The following ORC2 variants were observed in gnomAD, a reference collection of about 807,000 sequenced individuals.
ORC2 encodes the protein origin recognition complex protein 2 homolog.
Under a neutral mutation model 77.7 loss-of-function variants are expected in ORC2, and 37 were observed. That is an observed-to-expected ratio of 0.48 (90% CI 0.37 to 0.63). ORC2 has a LOEUF of 0.63. Ranked by LOEUF, ORC2 falls within the 20% of genes least tolerant of loss-of-function variation. The pLI, the probability that ORC2 is intolerant of heterozygous loss-of-function variation, is 0.00. For synonymous variants in ORC2, 201 were observed against 229.5 expected (o/e 0.88, Z 1.12); for missense variants, 557 against 661.9 (o/e 0.84, Z 1.74).
At chr2:200,940,371 T>A (rs1243579695) in intron 7 of ORC2, among the ~76,000 whole-genome samples, 1 of 152,150 alleles carries the variant, frequency 6.6e-6, no homozygotes, top group African/African-American at 2.4e-5. Flanking sequence ...AAAATACCCT[T>A]TACAGACAAA....
intron 15 of ORC2, among the ~76,000 whole-genome samples, chr2:200,919,179 A>T (rs1261946767): frequency 6.6e-6 from 1 of 152,154 alleles, no homozygotes; most frequent in African/African-American, 2.4e-5. Context: ...TATAATATTT[A>T]ATCTACCCAC....
At chr2:200,955,138 T>C (rs1355618916) in intron 4 of ORC2, among the ~76,000 whole-genome samples, 1 of 152,206 alleles carries the variant, frequency 6.6e-6, no homozygotes, top group Non-Finnish European at 1.5e-5. Flanking sequence ...AGCACTGAAT[T>C]TCTACAACAA....
intron 1 of ORC2, among the ~76,000 whole-genome samples, chr2:200,961,832 T>C (rs2041580420): frequency 6.6e-6 from 1 of 152,178 alleles, no homozygotes; most frequent in South Asian, 2.1e-4. Context: ...GGCTCTGAGC[T>C]TCCTGGCAAT....
chr2:200,929,377 G>A (rs2040899319), intron 11 of ORC2, among the ~76,000 whole-genome samples: 1 of 152,342 alleles, frequency 6.6e-6, no homozygotes, highest in East Asian at 1.9e-4. Context: ...GAACAAAACT[G>A]TGGAAGATTA....
intron 11 of ORC2, among the ~76,000 whole-genome samples, chr2:200,929,163 C>T (rs1039300983): frequency 1.3e-5 from 2 of 152,136 alleles, no homozygotes; most frequent in Non-Finnish European, 2.9e-5. Context: ...GTTGGTCAGG[C>T]TGGTCTGGAA....
intron 5 of ORC2, among the ~76,000 whole-genome samples, chr2:200,944,462 C>G (rs537371750): frequency 6.6e-6 from 1 of 152,118 alleles, no homozygotes; most frequent in African/African-American, 2.4e-5. Flanking sequence ...TGTGAGCCAC[C>G]GCGCCCGGCT....
chr2:200,913,639 T>TA, intron 16 of ORC2: 1 of 1,314,986 alleles, frequency 7.6e-7, no homozygotes, highest in Admixed American at 3.7e-5. Flanking sequence ...GAAAATCTCC[T>TA]AAGATGCCTA....
chr2:200,921,123 G>A lies in ORC2; in HGVS notation c.1164C>T (p.Leu388=). 6.3e-7 allele frequency: 1 copy of A among 1,586,122 alleles called. No individual in the cohort carries two copies. The highest frequency in any genetic ancestry group is 8.6e-7 in the Non-Finnish European group (1 of 1,166,462). ...TATCCAAATTGTGGATGAGAAGGAAGAGTTCTAAAGAAGAATCTAAAAAGA... is the reference window on the plus strand; with the variant it reads ...TATCCAAATTGTGGATGAGAAGGAAAAGTTCTAAAGAAGAATCTAAAAAGA... ...NKFKEDSSLE[L]FLLIHNLDSQ... is the part of the protein sequence containing the mutation. The change falls in exon 14 of 18, where the codon CTC becomes CTT. Residue 388 remains leucine (L), a synonymous_variant. Transcript: ENST00000234296.
At position 200,949,562 on chromosome 2, in the gene ORC2, G is replaced by A; in HGVS notation, c.320C>T (p.Ala107Val). ...TCAGAAAAGCAACATACCTAATTTA[G>A]CCATCTTTTCAGAGTGTTTTCTATT... is the stretch of plus-strand genomic sequence containing the variant. ...FQNRKHSEKMAKLASELAKTP... is the reference protein window; with the variant it reads ...FQNRKHSEKMVKLASELAKTP... The change falls in exon 5 of 18, where the codon GCT becomes GTT. Residue 107 changes from alanine to valine, a missense_variant. Physicochemically the swap from Ala to Val is moderately conservative, Grantham distance 64. Transcript: ENST00000234296. The A allele has an allele frequency of 1.3e-6, 2 of 1,548,884 alleles. No homozygotes were observed. The highest frequency in any genetic ancestry group is 1.8e-6 in the Non-Finnish European group (2 of 1,123,978).
chr2:200,927,219 G>A (rs775854982), intron 11 of ORC2, among the ~76,000 whole-genome samples: 6 of 151,876 alleles, frequency 4.0e-5, no homozygotes, highest in South Asian at 4.2e-4. Flanking sequence ...AAGAAGCTGG[G>A]GCTACAGCTG....
intron 5 of ORC2, chr2:200,942,996 G>C (rs577343787): frequency 3.0e-4 from 101 of 338,280 alleles, no homozygotes; most frequent in Non-Finnish European, 3.6e-4. Flanking sequence ...TTCTTTAAAA[G>C]AAAATACAAA....
At chr2:200,922,392 A>G (rs2040775949) in intron 13 of ORC2, among the ~76,000 whole-genome samples, 1 of 151,224 alleles carries the variant, frequency 6.6e-6, no homozygotes, top group African/African-American at 2.4e-5. Flanking sequence ...AAAAAAAAAA[A>G]AAATTGAAGG....
chr2:200,912,713 C>T (rs1303995597), intron 17 of ORC2, among the ~76,000 whole-genome samples: 1 of 152,190 alleles, frequency 6.6e-6, no homozygotes, highest in African/African-American at 2.4e-5. Context: ...AGCCACCACG[C>T]CTGGCCTCCT....
intron 13 of ORC2, among the ~76,000 whole-genome samples, chr2:200,925,411 T>C (rs1026796650): frequency 5.9e-5 from 9 of 152,136 alleles, no homozygotes; most frequent in African/African-American, 2.2e-4. Flanking sequence ...AAGGACAAAC[T>C]TTTTTAGAGC....
At chr2:200,956,863 G>T (rs1307419012) in intron 4 of ORC2, among the ~76,000 whole-genome samples, 1 of 152,148 alleles carries the variant, frequency 6.6e-6, no homozygotes, top group Non-Finnish European at 1.5e-5. Context: ...TCCTTTGCAG[G>T]GACATGTATG....
chr2:200,958,125 G>A lies in ORC2; in HGVS notation c.-2C>T. On this transcript the variant is annotated 5_prime_UTR_variant, in exon 3 of 18. Coordinates refer to ENST00000234296, the MANE Select transcript of ORC2 (RefSeq NM_006190.5). ...TTCCTTTAATTCTGGTTTACTCATTGTTGCCAACCTAAACAAAAACAGTAA... is the reference window on the plus strand; with the variant it reads ...TTCCTTTAATTCTGGTTTACTCATTATTGCCAACCTAAACAAAAACAGTAA... 4 of 1,603,940 alleles carry A rather than the reference G, an allele frequency of 2.5e-6. No individual in the cohort carries two copies. The highest frequency in any genetic ancestry group is 2.2e-5 in the East Asian group (1 of 44,642).
At chr2:200,945,058 CAG>C (rs1284411363) in intron 5 of ORC2, among the ~76,000 whole-genome samples, 1 of 152,212 alleles carries the variant, frequency 6.6e-6, no homozygotes, top group Non-Finnish European at 1.5e-5. Context: ...GTAGTCACAA[CAG>C]AGACTGTCTA....
chr2:200,934,473 CCTGA>C (rs2040998415), intron 9 of ORC2, among the ~76,000 whole-genome samples: 1 of 151,574 alleles, frequency 6.6e-6, no homozygotes, highest in Non-Finnish European at 1.5e-5. Flanking sequence ...CACCACTACA[CCTGA>C]CTAATTTTTT....
At chr2:200,953,888 C>T (rs752159476) in intron 4 of ORC2, among the ~76,000 whole-genome samples, 2 of 152,164 alleles carry the variant, frequency 1.3e-5, no homozygotes, top group Non-Finnish European at 2.9e-5. Flanking sequence ...GTGATTGTGG[C>T]TCACTGCAGC....
Sources: gnomAD v4.1 joint callset for allele counts (sites outside exome capture counted in the v4.1 genomes callset) on GRCh38, gnomAD v4.1.1 for gene constraint, MANE v1.5 for transcripts, NCBI Gene and HGNC (gene_info 2026-07-23, HGNC 2026-07-21) for gene names.